The following TTPA variants were observed in gnomAD, a reference collection of about 807,000 sequenced individuals.
TTPA encodes the protein alpha-tocopherol transfer protein.
TTPA carries 23 observed loss-of-function variants against 25.9 expected under a neutral mutation model. The observed-to-expected ratio is 0.89, with a 90% CI of 0.64 to 1.26. The LOEUF is 1.26. Among genes scored for constraint, TTPA ranks in the 50% most tolerant of loss-of-function variants. TTPA has a pLI of 0.00. For missense variants in TTPA, 337 were observed against 353.1 expected (o/e 0.95, Z 0.37); for synonymous variants, 148 against 137.3 (o/e 1.08, Z -0.54).
At chr8:63,075,384 C>A (rs1014775295) in intron 1 of TTPA, among the ~76,000 whole-genome samples, 3 of 152,116 alleles carry the variant, frequency 2.0e-5, no homozygotes, top group Non-Finnish European at 4.4e-5. Context: ...CTCACCATCA[C>A]CCTGAGAAGT....
intron 1 of TTPA, among the ~76,000 whole-genome samples, chr8:63,080,737 A>AAAT (rs762272028): frequency 1.6e-3 from 207 of 132,816 alleles, no homozygotes; most frequent in African/African-American, 6.4e-3. Context: ...AAAAAAAAAT[A>AAAT]AATAATAATA....
intron 1 of TTPA, among the ~76,000 whole-genome samples, chr8:63,082,111 T>C (rs1805673330): frequency 6.6e-6 from 1 of 152,194 alleles, no homozygotes; most frequent in Non-Finnish European, 1.5e-5. Context: ...AAGCTACCAA[T>C]GACTTTCTTC....
chr8:63,062,733 CT>C (rs1249198125), intron 4 of TTPA, among the ~76,000 whole-genome samples: 16 of 152,108 alleles, frequency 1.1e-4, no homozygotes, highest in Non-Finnish European at 2.4e-4. Flanking sequence ...TTTACTTTTG[CT>C]TTTTTCTCCA....
chr8:63,063,375 A>G (rs1207164676), intron 4 of TTPA, among the ~76,000 whole-genome samples: 2 of 152,196 alleles, frequency 1.3e-5, no homozygotes, highest in Admixed American at 6.5e-5. Flanking sequence ...TAGGTAAAGA[A>G]GAAAAAATCC....
intron 1 of TTPA, among the ~76,000 whole-genome samples, chr8:63,083,949 A>G (rs552663120): frequency 6.6e-6 from 1 of 151,758 alleles, no homozygotes; most frequent in East Asian, 1.9e-4. Flanking sequence ...CAGTAGCACA[A>G]TCTCGGCTCT....
At chr8:63,071,096 G>A (rs1359756703) in intron 2 of TTPA, among the ~76,000 whole-genome samples, 1 of 152,076 alleles carries the variant, frequency 6.6e-6, no homozygotes, top group African/African-American at 2.4e-5. Flanking sequence ...GAAGCTCAAG[G>A]AACTTCATTG....
chr8:63,061,416 G>C lies in TTPA; in HGVS notation c.673C>G (p.His225Asp). 1 of 1,613,930 alleles carries C rather than the reference G, an allele frequency of 6.2e-7. No homozygotes were observed. Among genetic ancestry groups the C allele is most frequent in the Non-Finnish European group, 8.5e-7 (1 of 1,179,922 alleles). ...AAGCTTTGTTTGTAGTTGTTCCCAT[G>C]CATGTGAATCTGAAATAGCCAAAAC... ...TEKIKERIHM[H>D]GNNYKQSLLQ... Residue 225 changes from histidine (H) to aspartate (D), a missense_variant, in exon 5 of 5, where the codon CAT becomes GAT. Physicochemically the swap from His to Asp is moderately conservative, Grantham distance 81. Coordinates refer to ENST00000260116, the MANE Select transcript of TTPA (RefSeq NM_000370.3).
Position 63,083,698 on chromosome 8 carries a change from A to C in TTPA, c.204+2120T>G, listed in dbSNP as rs531271027. Among the ~76,000 whole-genome samples the C allele has an allele frequency of 1.2e-3, 187 of 152,034 alleles. 1 individual carries two copies. Among genetic ancestry groups the C allele is most frequent in the African/African-American group, 4.0e-3 (168 of 41,522 alleles). ...TCAGTTAACTGGAAAGAAATTTTGAAATTTTACATGTATATAAAAGATTAT... is the reference window on the plus strand; with the variant it reads ...TCAGTTAACTGGAAAGAAATTTTGACATTTTACATGTATATAAAAGATTAT... On this transcript the variant is annotated intron_variant, in intron 1 of 4. Coordinates refer to ENST00000260116, the MANE Select transcript of TTPA (RefSeq NM_000370.3).
chr8:63,080,342 G>C (rs534042939), intron 1 of TTPA, among the ~76,000 whole-genome samples: 2 of 152,290 alleles, frequency 1.3e-5, no homozygotes, highest in South Asian at 4.1e-4. Flanking sequence ...GAAAGAGATA[G>C]AGATACAAAA....
chr8:63,065,863 A>G (rs758837874), intron 3 of TTPA, 41 bp downstream of exon 3: 1 of 1,593,238 alleles, frequency 6.3e-7, no homozygotes, highest in Non-Finnish European at 8.6e-7. Flanking sequence ...TAAAACTATA[A>G]TTTGGAAGTA....
chr8:63,084,361 CA>C, intron 1 of TTPA, among the ~76,000 whole-genome samples: 1 of 152,328 alleles, frequency 6.6e-6, no homozygotes, highest in African/African-American at 2.4e-5. Flanking sequence ...GAAGAAACCA[CA>C]GCCGCCTTGT....
intron 1 of TTPA, among the ~76,000 whole-genome samples, chr8:63,075,835 T>C (rs1426000176): frequency 6.6e-6 from 1 of 151,930 alleles, no homozygotes; most frequent in African/African-American, 2.4e-5. Flanking sequence ...GAAGCTGCAT[T>C]TAGAGAGAAA....
At chr8:63,058,966 A>G (rs1353991654), downstream of TTPA, among the ~76,000 whole-genome samples, 1 of 146,952 alleles carries the variant, frequency 6.8e-6, no homozygotes. Flanking sequence ...TTTAAATAGT[A>G]TGCTTTTATT....
At chr8:63,080,727 AAAAAAAAAT>A (rs1805649477) in intron 1 of TTPA, among the ~76,000 whole-genome samples, 2 of 148,214 alleles carry the variant, frequency 1.3e-5, no homozygotes, top group African/African-American at 5.0e-5. Flanking sequence ...ATCAAAAAAA[AAAAAAAAAT>A]AAATAATAAT....
intron 2 of TTPA, 106 bp downstream of exon 2, chr8:63,072,827 CTA>C (rs1464385679): frequency 7.5e-7 from 1 of 1,338,316 alleles, no homozygotes; most frequent in Non-Finnish European, 1.0e-6. Context: ...TTGAAGCTTT[CTA>C]TATGGTATTC....
At chr8:63,069,905 T>C (rs1055039932) in intron 2 of TTPA, among the ~76,000 whole-genome samples, 2 of 152,152 alleles carry the variant, frequency 1.3e-5, no homozygotes, top group Non-Finnish European at 2.9e-5. Context: ...AAATATACCT[T>C]ATATTTTGAA....
At chr8:63,064,755 C>T (rs1187231909) in intron 3 of TTPA, among the ~76,000 whole-genome samples, 1 of 152,080 alleles carries the variant, frequency 6.6e-6, no homozygotes, top group East Asian at 1.9e-4. Flanking sequence ...TCTTTAGCAT[C>T]AAAGTAATAT....
intron 1 of TTPA, among the ~76,000 whole-genome samples, chr8:63,074,069 T>C (rs1563363623): frequency 6.6e-6 from 1 of 152,174 alleles, no homozygotes; most frequent in Admixed American, 6.5e-5. Context: ...TACAATACAT[T>C]TGTTTTGAGT....
intron 1 of TTPA, among the ~76,000 whole-genome samples, chr8:63,075,717 A>AAAAAAAAAG (rs1563364091): frequency 6.8e-6 from 1 of 147,144 alleles, no homozygotes; most frequent in Non-Finnish European, 1.5e-5. Context: ...AAAAAAAAAA[A>AAAAAAAAAG]AAAAGTAAAG....
Sources: gnomAD v4.1 joint callset for allele counts (sites outside exome capture counted in the v4.1 genomes callset) on GRCh38, gnomAD v4.1.1 for gene constraint, MANE v1.5 for transcripts, NCBI Gene and HGNC (gene_info 2026-07-23, HGNC 2026-07-21) for gene names.